The following PTPRD variants were observed in gnomAD, a reference collection of about 807,000 sequenced individuals.
PTPRD encodes protein tyrosine phosphatase receptor type D.
Under a neutral mutation model 214.5 loss-of-function variants are expected in PTPRD, and 34 were observed. The ratio of observed to expected loss-of-function variants is 0.16; its 90% CI spans 0.12 to 0.21. PTPRD has a LOEUF of 0.21. Ranked by LOEUF, PTPRD falls within the 10% of genes least tolerant of loss-of-function variation. The pLI is 1.00. For missense variants in PTPRD, 2,545 were observed against 2,398.7 expected (o/e 1.06, Z -1.27); for synonymous variants, 1,128 against 845.7 (o/e 1.33, Z -5.79).
rs186474155 is a variant in PTPRD at position 9,653,038 on chromosome 9, A to G, written c.-286-78257T>C. ...AAAGCCCCTATTTTTCCTTCAAATA[A>G]TGCCCTTTAAAAAGTGCCTCATGGC... On this transcript the variant is annotated intron_variant, in intron 7 of 45. Transcript: ENST00000381196. Among the ~76,000 whole-genome samples, 357 of 150,930 alleles carry G rather than the reference A, an allele frequency of 2.4e-3. 1 individual carries two copies. The highest frequency in any genetic ancestry group is 8.6e-3 in the African/African-American group (347 of 40,324).
chr9:9,580,413 G>T (rs376714037), intron 7 of PTPRD, among the ~76,000 whole-genome samples: 1 of 151,926 alleles, frequency 6.6e-6, no homozygotes, highest in African/African-American at 2.4e-5. Flanking sequence ...GATGTAAGAT[G>T]ATATGACATT....
chr9:9,379,851 G>C (rs550267320), intron 9 of PTPRD, among the ~76,000 whole-genome samples: 3 of 151,878 alleles, frequency 2.0e-5, no homozygotes, highest in Non-Finnish European at 4.4e-5. Context: ...TGGTATATAG[G>C]AAAGCAATTA....
intron 3 of PTPRD, among the ~76,000 whole-genome samples, chr9:10,175,215 G>C (rs781418148): frequency 2.0e-5 from 3 of 151,840 alleles, no homozygotes; most frequent in Non-Finnish European, 2.9e-5. Flanking sequence ...AATCTGATAA[G>C]GTCACTTAGC....
At chr9:9,075,466 G>A (rs569404912) in intron 10 of PTPRD, among the ~76,000 whole-genome samples, 3 of 151,902 alleles carry the variant, frequency 2.0e-5, no homozygotes, top group African/African-American at 7.3e-5. Context: ...CAACGTGCAG[G>A]TTTGTTACAT....
chr9:10,345,484 C>T (rs971966430), intron 2 of PTPRD, among the ~76,000 whole-genome samples: 1 of 129,536 alleles, frequency 7.7e-6, no homozygotes, highest in Non-Finnish European at 1.6e-5. Flanking sequence ...TCTCATTGTT[C>T]TACTCCCACT....
chr9:10,346,862 A>G (rs10959061), intron 2 of PTPRD, among the ~76,000 whole-genome samples: 43,696 of 152,054 alleles, frequency 0.29, 6,663 homozygotes, highest in Admixed American at 0.37. Flanking sequence ...AGCAAGGGTC[A>G]TAGCTCTGAG....
chr9:8,354,087 T>C (rs10976985), intron 39 of PTPRD, among the ~76,000 whole-genome samples: 71,559 of 150,406 alleles, frequency 0.48, 19,852 homozygotes, highest in Non-Finnish European at 0.63. Flanking sequence ...ATATGTCTTT[T>C]ATTTATTACA....
At chr9:8,555,702 G>C (rs1022734054) in intron 14 of PTPRD, among the ~76,000 whole-genome samples, 1 of 152,172 alleles carries the variant, frequency 6.6e-6, no homozygotes, top group African/African-American at 2.4e-5. Flanking sequence ...CCTATAGTCA[G>C]GCAGGGACAA....
At chr9:9,827,526 A>C (rs1285759874) in intron 5 of PTPRD, among the ~76,000 whole-genome samples, 4 of 152,202 alleles carry the variant, frequency 2.6e-5, no homozygotes, top group African/African-American at 4.8e-5. Flanking sequence ...TTAAAGACTT[A>C]AATGTTAGAC....
At chr9:9,961,567 A>G (rs2094366163) in intron 4 of PTPRD, among the ~76,000 whole-genome samples, 1 of 152,124 alleles carries the variant, frequency 6.6e-6, no homozygotes, top group South Asian at 2.1e-4. Flanking sequence ...TTCATTTTGG[A>G]GGTTAAATAC....
At chr9:9,293,454 A>G (rs1008862585) in intron 9 of PTPRD, among the ~76,000 whole-genome samples, 2 of 149,964 alleles carry the variant, frequency 1.3e-5, no homozygotes, top group African/African-American at 4.9e-5. Flanking sequence ...TGTCCCAGGC[A>G]TATCTTGTGT....
At chr9:8,827,562 G>A (rs1305953065) in intron 11 of PTPRD, among the ~76,000 whole-genome samples, 2 of 152,130 alleles carry the variant, frequency 1.3e-5, no homozygotes, top group South Asian at 2.1e-4. Context: ...AGCCAAGATT[G>A]GGCCACCACA....
At chr9:9,333,852 G>C (rs980870431) in intron 9 of PTPRD, among the ~76,000 whole-genome samples, 2 of 151,832 alleles carry the variant, frequency 1.3e-5, no homozygotes, top group East Asian at 1.9e-4. Flanking sequence ...AGATATATTT[G>C]CCAATAGTAT....
intron 10 of PTPRD, among the ~76,000 whole-genome samples, chr9:9,119,870 T>G (rs1371293578): frequency 2.0e-5 from 3 of 151,832 alleles, no homozygotes; most frequent in Admixed American, 2.0e-4. Flanking sequence ...GAAAGATGAC[T>G]ACACATGAAA....
rs182593371 is a variant in PTPRD at position 10,602,450 on chromosome 9, C to T, written c.-600+9948G>A. 3.6e-3 allele frequency among the ~76,000 whole-genome samples: 542 copies of T among 151,814 alleles called. 7 individuals carry two copies. Among genetic ancestry groups the T allele is most frequent in the African/African-American group, 0.012 (500 of 41,452 alleles). ...AAAAATTTGATGAATATGGAGATAACAGTTTCACTTTCATCTCCAGGTAAT... is the reference window on the plus strand; with the variant it reads ...AAAAATTTGATGAATATGGAGATAATAGTTTCACTTTCATCTCCAGGTAAT... On this transcript the variant is annotated intron_variant, in intron 2 of 45. Coordinates refer to ENST00000381196, the MANE Select transcript of PTPRD (RefSeq NM_002839.4).
At chr9:9,828,077 C>T (rs201498701) in intron 5 of PTPRD, among the ~76,000 whole-genome samples, 2 of 151,942 alleles carry the variant, frequency 1.3e-5, no homozygotes, top group African/African-American at 2.4e-5. Context: ...TAGCTCAACC[C>T]TTGTGGAAGT....
rs149332867 is a variant in PTPRD, at chr9:10,087,357, A to G, written c.-544-53567T>C. 5.5e-4 allele frequency among the ~76,000 whole-genome samples: 83 copies of G among 151,850 alleles called. 1 individual carries two copies. The East Asian group carries it at 0.015, about 28-fold the overall frequency. ...TAAGCCACTAAAATTTTGAATTTAC[A>G]TAAAAGTAATACCTACAAGTATTAT... On this transcript the variant is annotated intron_variant, in intron 3 of 45. Transcript: ENST00000381196.
At chr9:8,735,355 G>C (rs2090011274) in intron 11 of PTPRD, among the ~76,000 whole-genome samples, 1 of 151,748 alleles carries the variant, frequency 6.6e-6, no homozygotes, top group Non-Finnish European at 1.5e-5. Context: ...TGTTAACCAA[G>C]CTGGTCTCAA....
intron 11 of PTPRD, among the ~76,000 whole-genome samples, chr9:8,754,111 C>T (rs950449796): frequency 6.6e-6 from 1 of 152,112 alleles, no homozygotes; most frequent in African/African-American, 2.4e-5. Flanking sequence ...CACCACTGCA[C>T]TCCAGCCTGG....
Sources: allele counts gnomAD v4.1 joint callset (sites outside exome capture counted in the v4.1 genomes callset), GRCh38; gene constraint gnomAD v4.1.1; transcripts MANE v1.5; gene names NCBI Gene and HGNC (gene_info 2026-07-23, HGNC 2026-07-21).